The following CNTN1 variants were observed in gnomAD, a reference collection of about 807,000 sequenced individuals.
CNTN1 encodes contactin 1.
A neutral mutation model predicts 126.4 loss-of-function variants in CNTN1; 38 were observed. The observed-to-expected ratio is 0.30, with a 90% CI of 0.23 to 0.39. The LOEUF is 0.39. Ranked by LOEUF, CNTN1 falls within the 10% of genes least tolerant of loss-of-function variation. CNTN1 has a pLI of 1.00. For synonymous variants in CNTN1, 413 were observed against 422.6 expected (o/e 0.98, Z 0.28); for missense variants, 1,009 against 1,248.4 (o/e 0.81, Z 2.89).
chr12:40,798,508 T>A (rs778819988), intron 1 of CNTN1, among the ~76,000 whole-genome samples: 1 of 151,712 alleles, frequency 6.6e-6, no homozygotes, highest in Non-Finnish European at 1.5e-5. Context: ...CCCAGAGCAA[T>A]GGATTACGAA....
chr12:40,980,839 T>C, intron 15 of CNTN1, 70 bp from the exon 16 acceptor site: 1 of 1,409,530 alleles, frequency 7.1e-7, no homozygotes, highest in Non-Finnish European at 1.0e-6. Flanking sequence ...AGAAGACATT[T>C]TTATATTCTA....
chr12:40,750,122 G>A (rs1938349007), intron 1 of CNTN1, among the ~76,000 whole-genome samples: 1 of 152,096 alleles, frequency 6.6e-6, no homozygotes, highest in African/African-American at 2.4e-5. Flanking sequence ...AGTATTAACA[G>A]CTCTTAAATG....
intron 1 of CNTN1, among the ~76,000 whole-genome samples, chr12:40,694,562 C>A (rs1288272911): frequency 6.6e-6 from 1 of 152,140 alleles, no homozygotes; most frequent in African/African-American, 2.4e-5. Flanking sequence ...GTCCTGGCAA[C>A]AAAATGTGGT....
intron 1 of CNTN1, among the ~76,000 whole-genome samples, chr12:40,892,278 C>A (rs535707709): frequency 1.3e-5 from 2 of 152,042 alleles, no homozygotes; most frequent in Non-Finnish European, 2.9e-5. Flanking sequence ...ATGAGCTTCT[C>A]TCAGGGTCTA....
intron 17 of CNTN1, among the ~76,000 whole-genome samples, chr12:40,995,239 G>A (rs1159784498): frequency 6.6e-6 from 1 of 152,042 alleles, no homozygotes; most frequent in Non-Finnish European, 1.5e-5. Context: ...ATATTTAGAA[G>A]TTAGGCCAAG....
chr12:40,851,323 C>T (rs1277004805), intron 1 of CNTN1, among the ~76,000 whole-genome samples: 1 of 152,202 alleles, frequency 6.6e-6, no homozygotes, highest in Non-Finnish European at 1.5e-5. Context: ...TTTTCCAGTG[C>T]ACTGGGGATG....
chr12:40,760,894 A>G (rs1229814627), intron 1 of CNTN1, among the ~76,000 whole-genome samples: 2 of 151,792 alleles, frequency 1.3e-5, no homozygotes, highest in Non-Finnish European at 2.9e-5. Flanking sequence ...GATGTAGTCC[A>G]TGTTACCTGT....
At chr12:40,872,542 G>T (rs1432930413) in intron 1 of CNTN1, among the ~76,000 whole-genome samples, 2 of 143,112 alleles carry the variant, frequency 1.4e-5, no homozygotes, top group Non-Finnish European at 3.1e-5. Flanking sequence ...ATAATAGTTT[G>T]TATTGCATGT....
intron 17 of CNTN1, among the ~76,000 whole-genome samples, chr12:41,007,045 GTTTTTTTTTTTTTT>G (rs71078294): frequency 2.0e-4 from 14 of 69,248 alleles, no homozygotes; most frequent in Admixed American, 6.7e-4. Flanking sequence ...GTTTTGTGTG[GTTTTTTTTTTTTTT>G]TTTTTTTTTT....
intron 17 of CNTN1, among the ~76,000 whole-genome samples, chr12:41,010,870 T>C (rs1948633562): frequency 6.6e-6 from 1 of 152,164 alleles, no homozygotes; most frequent in Non-Finnish European, 1.5e-5. Context: ...GGTTTGTTTT[T>C]TTTTTTAGAG....
chr12:40,977,237 T>G (rs1246327140), intron 15 of CNTN1, among the ~76,000 whole-genome samples: 1 of 152,166 alleles, frequency 6.6e-6, no homozygotes, highest in African/African-American at 2.4e-5. Context: ...TAGAAAAGAA[T>G]GTCTGTATTA....
At chr12:40,714,735 T>C (rs980329174) in intron 1 of CNTN1, among the ~76,000 whole-genome samples, 5 of 152,246 alleles carry the variant, frequency 3.3e-5, no homozygotes, top group Middle Eastern at 6.8e-3. Context: ...ATCATATGAA[T>C]ATTCTGCAGC....
At chr12:40,858,744 T>C (rs1319112067) in intron 1 of CNTN1, among the ~76,000 whole-genome samples, 1 of 152,130 alleles carries the variant, frequency 6.6e-6, no homozygotes, top group Non-Finnish European at 1.5e-5. Context: ...TCAACAGTGA[T>C]AGACTGGATA....
chr12:40,977,265 T>C (rs1489603018), intron 15 of CNTN1, among the ~76,000 whole-genome samples: 1 of 152,136 alleles, frequency 6.6e-6, no homozygotes, highest in Non-Finnish European at 1.5e-5. Flanking sequence ...GACTTGTGGG[T>C]GGCGGAAATC....
chr12:41,059,033 G>A (rs1369514219), intron 23 of CNTN1, among the ~76,000 whole-genome samples: 2 of 118,354 alleles, frequency 1.7e-5, no homozygotes, highest in Non-Finnish European at 4.1e-5. Flanking sequence ...AATCCTTTTT[G>A]ATAGATGGAT....
chr12:40,785,702 A>T (rs1939991101), intron 1 of CNTN1, among the ~76,000 whole-genome samples: 1 of 152,150 alleles, frequency 6.6e-6, no homozygotes, highest in African/African-American at 2.4e-5. Flanking sequence ...GCAGAAACAA[A>T]TTACAATGGT....
intron 17 of CNTN1, among the ~76,000 whole-genome samples, chr12:41,010,080 G>A (rs917215198): frequency 2.0e-5 from 3 of 152,122 alleles, no homozygotes; most frequent in Non-Finnish European, 2.9e-5. Context: ...TCATGCTACA[G>A]AAAGAGGGGA....
chr12:40,913,719 G>A (rs1241594599), intron 3 of CNTN1, among the ~76,000 whole-genome samples: 2 of 152,164 alleles, frequency 1.3e-5, no homozygotes, highest in African/African-American at 4.8e-5. Context: ...GGTAGGTGAA[G>A]TAATCCCATT....
intron 17 of CNTN1, among the ~76,000 whole-genome samples, chr12:41,006,235 A>G (rs1224998839): frequency 1.3e-5 from 2 of 152,154 alleles, no homozygotes; most frequent in Non-Finnish European, 2.9e-5. Flanking sequence ...GGGGACTCAT[A>G]TTAGGCCCTG....
Sources: allele counts gnomAD v4.1 joint callset (sites outside exome capture counted in the v4.1 genomes callset), GRCh38; gene constraint gnomAD v4.1.1; transcripts MANE v1.5; gene names NCBI Gene and HGNC (gene_info 2026-07-23, HGNC 2026-07-21).